Variants in VANGL2 observed in about 807,000 individuals in gnomAD.
VANGL2 encodes VANGL planar cell polarity protein 2, also known as vang-like protein 2.
VANGL2 carries 14 observed loss-of-function variants against 50.2 expected under a neutral mutation model. The observed-to-expected ratio is 0.28, with a 90% CI of 0.18 to 0.44. VANGL2 has a LOEUF of 0.44. Among genes scored for constraint, VANGL2 ranks in the 20% least tolerant of loss-of-function variants. VANGL2 has a pLI of 1.00. For missense variants in VANGL2, 533 were observed against 701.5 expected, an observed-to-expected ratio of 0.76 and a Z score of 2.71; for synonymous variants, 295 against 297.2, an observed-to-expected ratio of 0.99 and a Z score of 0.08.
chr1:160,402,669 G>A (rs1454334699), intron 1 of VANGL2, among the ~76,000 whole-genome samples: 4 of 151,962 alleles, frequency 2.6e-5, no homozygotes, highest in Non-Finnish European at 4.4e-5. Flanking sequence ...TCTGTGTGTC[G>A]GGAAAGGGCC....
intron 1 of VANGL2, among the ~76,000 whole-genome samples, chr1:160,406,379 T>C (rs1278355324): frequency 6.6e-6 from 1 of 152,166 alleles, no homozygotes; most frequent in Non-Finnish European, 1.5e-5. Context: ...AAGCCTACCC[T>C]TGAGGGTGGG....
chr1:160,409,101 G>A (rs1444818750), intron 1 of VANGL2, among the ~76,000 whole-genome samples: 1 of 152,244 alleles, frequency 6.6e-6, no homozygotes, highest in Non-Finnish European at 1.5e-5. Context: ...TGTCCCTGGT[G>A]AGAAGAGGGG....
rs971930031 is a variant in VANGL2 at position 160,427,351 on chromosome 1, G to A, written c.*1973G>A. ...GGTGGGGGAGAGGGAAAGGATTTGG[G>A]ATCTTAGTTGCTGCCCTAGGTTAGG... On this transcript the variant is annotated 3_prime_UTR_variant, in exon 8 of 8. Transcript: ENST00000368061. The A allele has an allele frequency of 6.6e-6, 1 of 152,444 alleles. No individual in the cohort carries two copies. Among genetic ancestry groups the A allele is most frequent in the African/African-American group, 2.4e-5 (1 of 41,386 alleles). 9.4% of individuals were successfully genotyped at this position (152,444 alleles called of 1,614,324 possible). A position where few individuals can be genotyped will look rare whatever the true frequency, so the allele number is the denominator to read the frequency against.
In VANGL2 at chr1:160,415,753, G is replaced by A. The variant is rs575086164; in HGVS notation, c.-85G>A. On this transcript the variant is annotated 5_prime_UTR_variant, in exon 2 of 8. Transcript: ENST00000368061. ...AGGTGCCTCTTGGCCTAAAGAAGCC[G>A]GTGCTGAAGGAGGTGGCTGTGGGGC... is the stretch of plus-strand genomic sequence containing the variant. The A allele has an allele frequency of 3.2e-5, 48 of 1,491,934 alleles. 2 individuals are homozygous for A. The South Asian group carries it at 3.8e-4, about 12-fold the overall frequency. 92.4% of individuals were successfully genotyped at this position (1,491,934 alleles called of 1,614,324 possible). A position where few individuals can be genotyped will look rare whatever the true frequency, so the allele number is the denominator to read the frequency against.
chr1:160,415,150 C>CCTTGATA (rs764277841), intron 1 of VANGL2, among the ~76,000 whole-genome samples: 309 of 152,298 alleles, frequency 2.0e-3, no homozygotes, highest in Non-Finnish European at 2.9e-3. Flanking sequence ...AGGGAAGCAG[C>CCTTGATA]CCACTGTGGG....
intron 7 of VANGL2, 56 bp downstream of exon 7, chr1:160,424,339 C>A (rs1651375876): frequency 4.6e-6 from 7 of 1,532,974 alleles, no homozygotes; most frequent in Non-Finnish European, 6.3e-6. Context: ...TCTTCTTTCC[C>A]ACCTTCATTT....
chr1:160,401,134 C>G (rs1190350812), intron 1 of VANGL2, among the ~76,000 whole-genome samples: 1 of 151,904 alleles, frequency 6.6e-6, no homozygotes, highest in Non-Finnish European at 1.5e-5. Flanking sequence ...GAGCCCAGGC[C>G]TGGAGAGCCG....
intron 1 of VANGL2, among the ~76,000 whole-genome samples, chr1:160,406,234 A>G (rs1171537412): frequency 6.6e-6 from 1 of 152,204 alleles, no homozygotes; most frequent in South Asian, 2.1e-4. Flanking sequence ...TCCTTTTCCC[A>G]AAGTCTCTTC....
intron 1 of VANGL2, among the ~76,000 whole-genome samples, chr1:160,414,020 T>A (rs1005929229): frequency 6.6e-6 from 1 of 152,154 alleles, no homozygotes; most frequent in African/African-American, 2.4e-5. Flanking sequence ...TTCTTAACTC[T>A]CCCTTCCCGC....
In VANGL2 at chr1:160,428,256, G is replaced by C. The variant is rs933949373; in HGVS notation, c.*2878G>C. 1 of 152,768 alleles carries C rather than the reference G, an allele frequency of 6.5e-6. No individual in the cohort carries two copies. The highest frequency in any genetic ancestry group is 2.4e-5 in the African/African-American group (1 of 41,442). The allele number at this position is 152,768 out of a possible 1,614,324, so 9.5% of individuals were successfully genotyped here. A position where few individuals can be genotyped will look rare whatever the true frequency, so the allele number is the denominator to read the frequency against. On this transcript the variant is annotated 3_prime_UTR_variant, in exon 8 of 8. Coordinates refer to ENST00000368061, the MANE Select transcript of VANGL2 (RefSeq NM_020335.3). ...CCATTGGTCCCAGGCTAACTCCCCT[G>C]TTCCTCTGTGGTGTCTGTCAGTCCG...
In VANGL2 at chr1:160,415,777, G is replaced by GC; in HGVS notation, c.-55dup. The GC allele has an allele frequency of 6.3e-7, 1 of 1,577,902 alleles. No individual in the cohort carries two copies. On this transcript the variant is annotated 5_prime_UTR_variant, in exon 2 of 8. Transcript: ENST00000368061. Reference sequence around the variant, plus strand: ...CGGTGCTGAAGGAGGTGGCTGTGGGGCCCCCCAAGAGGCCCCAGCCTGCGG... The same window carrying GC: ...CGGTGCTGAAGGAGGTGGCTGTGGGGCCCCCCCAAGAGGCCCCAGCCTGCGG...
rs769583287 is a variant in VANGL2, at chr1:160,420,443, A to C, written c.833A>C (p.Lys278Thr). 3.7e-6 allele frequency: 6 copies of C among 1,613,692 alleles called. No homozygotes were observed. The highest frequency in any genetic ancestry group is 5.1e-6 in the Non-Finnish European group (6 of 1,179,896). Residue 278 changes from lysine to threonine, a missense_variant, in exon 5 of 8, where the codon AAG (lysine) becomes ACG (threonine). Lys to Thr is a moderately conservative substitution (Grantham distance 78). Coordinates refer to ENST00000368061, the MANE Select transcript of VANGL2 (RefSeq NM_020335.3). ...CGCGTGGCAGTGTGGATCCTGGAGA[A>C]GTATTACCATGACTTCCCTGTCTAC... ...IQRVAVWILE[K>T]YYHDFPVYNP...
intron 3 of VANGL2, among the ~76,000 whole-genome samples, chr1:160,417,069 T>C (rs1651087887): frequency 1.3e-5 from 2 of 152,242 alleles, no homozygotes; most frequent in South Asian, 4.1e-4. Flanking sequence ...CATGACCAGC[T>C]CACCTGCTAC....
rs144082969 is a variant in VANGL2, at chr1:160,406,373, C to A, written c.-191+5504C>A. The stretch of plus-strand genomic sequence containing the variant: ...GTGTCAGCCTGAGGAGTAGAGAAGC[C>A]TACCCTTGAGGGTGGGAGTCAGAGA... On this transcript the variant is annotated intron_variant, in intron 1 of 7. Coordinates refer to ENST00000368061, the MANE Select transcript of VANGL2 (RefSeq NM_020335.3). Among the ~76,000 whole-genome samples the A allele has an allele frequency of 5.1e-3, 783 of 152,302 alleles. 6 individuals are homozygous for A. Among genetic ancestry groups the A allele is most frequent in the African/African-American group, 0.018 (738 of 41,570 alleles).
chr1:160,403,058 A>G (rs1650532151), intron 1 of VANGL2, among the ~76,000 whole-genome samples: 1 of 151,886 alleles, frequency 6.6e-6, no homozygotes, highest in South Asian at 2.1e-4. Flanking sequence ...TACCCTCCCT[A>G]AGGCCTGGAG....
chr1:160,425,425 G>T lies in VANGL2; in HGVS notation c.*47G>T. The T allele has an allele frequency of 2.3e-6, 3 of 1,296,694 alleles. No individual in the cohort carries two copies. Among genetic ancestry groups the T allele is most frequent in the Non-Finnish European group, 1.0e-6 (1 of 955,614 alleles). 80.3% of individuals were successfully genotyped at this position (1,296,694 alleles called of 1,614,324 possible). On this transcript the variant is annotated 3_prime_UTR_variant, in exon 8 of 8. Transcript: ENST00000368061. Reference sequence around the variant, plus strand: ...GGGAAACTCTGGGGGGTCCTGAGGGGGTGGGAGGGGGCTTGGTTCTCAGGC... The same window carrying T: ...GGGAAACTCTGGGGGGTCCTGAGGGTGTGGGAGGGGGCTTGGTTCTCAGGC...
intron 1 of VANGL2, among the ~76,000 whole-genome samples, chr1:160,413,330 G>A (rs1050394939): frequency 6.6e-6 from 1 of 151,644 alleles, no homozygotes; most frequent in Non-Finnish European, 1.5e-5. Flanking sequence ...GCCCAGGCTG[G>A]AGTGTAGTGG....
Position 160,415,811 on chromosome 1 carries a change from C to T in VANGL2, c.-27C>T, listed in dbSNP as rs560617976. On this transcript the variant is annotated 5_prime_UTR_variant, in exon 2 of 8. Coordinates refer to ENST00000368061, the MANE Select transcript of VANGL2 (RefSeq NM_020335.3). ...GAGGCCCCAGCCTGCGGCCCTGGAG[C>T]GCTACAAGGCGCGGCGTTCAGACGC... 42 of 1,606,758 alleles carry T rather than the reference C, an allele frequency of 2.6e-5. No individual in the cohort carries two copies. In the South Asian group the frequency reaches 2.8e-4, roughly 11 times the overall value.
At chr1:160,424,373 C>A in intron 7 of VANGL2, 90 bp downstream of exon 7, 1 of 1,271,806 alleles carries the variant, frequency 7.9e-7, no homozygotes, top group Non-Finnish European at 1.1e-6. Context: ...CACTACTTTC[C>A]TCACTGTCCA....
Sources: allele counts gnomAD v4.1 joint callset (sites outside exome capture counted in the v4.1 genomes callset), GRCh38; gene constraint gnomAD v4.1.1; transcripts MANE v1.5; gene names NCBI Gene and HGNC (gene_info 2026-07-23, HGNC 2026-07-21).